Variants in BMPER observed in about 807,000 individuals in gnomAD.
BMPER encodes BMP-binding endothelial regulator protein.
In BMPER, 45 loss-of-function variants were observed where a neutral mutation model predicts 87.3. The observed-to-expected ratio is 0.52, with a 90% CI of 0.41 to 0.66. The LOEUF is 0.66. BMPER is among the 30% of genes least tolerant of loss of function. BMPER has a pLI of 0.00. For synonymous variants in BMPER, 326 were observed against 316.2 expected, an observed-to-expected ratio of 1.03 and a Z score of -0.33; for missense variants, 784 against 867.5, an observed-to-expected ratio of 0.90 and a Z score of 1.21.
chr7:34,020,718 C>A (rs775823375), intron 6 of BMPER, among the ~76,000 whole-genome samples: 1 of 151,886 alleles, frequency 6.6e-6, no homozygotes, highest in Non-Finnish European at 1.5e-5. Context: ...AGGATTGTTT[C>A]CTTAGGGAAG....
At chr7:33,993,906 GA>G (rs1585716591) in intron 6 of BMPER, among the ~76,000 whole-genome samples, 1 of 152,192 alleles carries the variant, frequency 6.6e-6, no homozygotes, top group African/African-American at 2.4e-5. Context: ...GCCCCTGCTG[GA>G]GGGTGCCTCC....
chr7:34,030,190 C>T (rs1484998259), intron 6 of BMPER, among the ~76,000 whole-genome samples: 2 of 151,862 alleles, frequency 1.3e-5, no homozygotes, highest in Non-Finnish European at 2.9e-5. Flanking sequence ...GGCATACGAT[C>T]GATTACTCAA....
At chr7:33,986,003 G>A (rs1437052356) in intron 6 of BMPER, among the ~76,000 whole-genome samples, 1 of 152,134 alleles carries the variant, frequency 6.6e-6, no homozygotes, top group Non-Finnish European at 1.5e-5. Context: ...ATAGAAAAGT[G>A]AGTCAGCATT....
At chr7:33,976,631 A>G (rs754177353) in intron 6 of BMPER, among the ~76,000 whole-genome samples, 92 of 152,142 alleles carry the variant, frequency 6.0e-4, no homozygotes, top group Non-Finnish European at 1.1e-3. Context: ...TTTCAATAGG[A>G]AATTATAAAT....
chr7:34,097,413 G>A (rs757586115), intron 13 of BMPER, among the ~76,000 whole-genome samples: 6 of 152,212 alleles, frequency 3.9e-5, no homozygotes, highest in Non-Finnish European at 7.3e-5. Context: ...GAGGGGGCAC[G>A]CTGCAGTGTT....
At chr7:34,120,640 T>C (rs773056900) in intron 13 of BMPER, among the ~76,000 whole-genome samples, 1 of 152,312 alleles carries the variant, frequency 6.6e-6, no homozygotes, top group Admixed American at 6.5e-5. Flanking sequence ...TCAAATGATC[T>C]GCCCACCTCA....
At chr7:34,076,113 G>A (rs926865202) in intron 11 of BMPER, among the ~76,000 whole-genome samples, 10 of 152,066 alleles carry the variant, frequency 6.6e-5, no homozygotes, top group Non-Finnish European at 1.3e-4. Context: ...TTTCCTGACA[G>A]CCCTGTTCAC....
intron 3 of BMPER, among the ~76,000 whole-genome samples, chr7:33,941,180 A>G (rs1784756008): frequency 7.1e-6 from 1 of 140,008 alleles, no homozygotes; most frequent in Admixed American, 7.6e-5. Context: ...ATTTATATAT[A>G]ATATAATTTA....
chr7:34,069,603 T>C (rs182808260), intron 11 of BMPER, among the ~76,000 whole-genome samples: 35 of 152,374 alleles, frequency 2.3e-4, no homozygotes, highest in African/African-American at 8.2e-4. Context: ...CCCAAACTTT[T>C]ATGCACTATT....
intron 2 of BMPER, among the ~76,000 whole-genome samples, chr7:33,927,482 A>C (rs1784388424): frequency 6.6e-6 from 1 of 152,200 alleles, no homozygotes. Flanking sequence ...TACCCTTGAC[A>C]GAGAGTCATT....
At chr7:34,013,350 C>T (rs1170924431) in intron 6 of BMPER, among the ~76,000 whole-genome samples, 4 of 151,692 alleles carry the variant, frequency 2.6e-5, no homozygotes, top group African/African-American at 9.7e-5. Flanking sequence ...GAATCTATGG[C>T]TCCTCAACTC....
chr7:34,032,621 T>A (rs1054737209), intron 6 of BMPER, among the ~76,000 whole-genome samples: 5 of 152,212 alleles, frequency 3.3e-5, no homozygotes, highest in African/African-American at 4.8e-5. Flanking sequence ...GTGTACCCTT[T>A]GGAGTTCGGA....
At chr7:34,030,737 C>T (rs1045139515) in intron 6 of BMPER, among the ~76,000 whole-genome samples, 6 of 151,884 alleles carry the variant, frequency 4.0e-5, no homozygotes, top group African/African-American at 1.5e-4. Context: ...ATCCTCCCAC[C>T]TGAGGCTACA....
intron 6 of BMPER, among the ~76,000 whole-genome samples, chr7:34,017,800 G>A (rs1339401933): frequency 6.6e-6 from 1 of 151,792 alleles, no homozygotes; most frequent in African/African-American, 2.4e-5. Flanking sequence ...CATGCTTTAG[G>A]AATCACTTAT....
intron 13 of BMPER, among the ~76,000 whole-genome samples, chr7:34,138,547 AC>A (rs1212051042): frequency 6.6e-6 from 1 of 152,078 alleles, no homozygotes; most frequent in African/African-American, 2.4e-5. Flanking sequence ...TCCTACCTGA[AC>A]CCTGAACCTC....
At chr7:34,016,996 C>A (rs1159615345) in intron 6 of BMPER, among the ~76,000 whole-genome samples, 1 of 151,846 alleles carries the variant, frequency 6.6e-6, no homozygotes, top group East Asian at 1.9e-4. Context: ...GGGGACATTA[C>A]TGAGTTTGGG....
chr7:34,078,258 G>A (rs969398020), intron 11 of BMPER, among the ~76,000 whole-genome samples: 119 of 152,212 alleles, frequency 7.8e-4, no homozygotes, highest in African/African-American at 2.7e-3. Context: ...TTTGGAAAAC[G>A]TATAAAGACT....
intron 6 of BMPER, among the ~76,000 whole-genome samples, chr7:33,999,352 C>G (rs892013141): frequency 3.9e-5 from 6 of 152,156 alleles, no homozygotes; most frequent in Admixed American, 1.3e-4. Context: ...GAATTAAACC[C>G]AACAATTTCA....
chr7:34,030,812 C>G (rs1337092431), intron 6 of BMPER, among the ~76,000 whole-genome samples: 1 of 151,962 alleles, frequency 6.6e-6, no homozygotes, highest in African/African-American at 2.4e-5. Flanking sequence ...CTATGTTGCC[C>G]AGCTGGTATC....
Sources: gnomAD v4.1 joint callset for allele counts (sites outside exome capture counted in the v4.1 genomes callset) on GRCh38, gnomAD v4.1.1 for gene constraint, MANE v1.5 for transcripts, NCBI Gene and HGNC (gene_info 2026-07-23, HGNC 2026-07-21) for gene names.